The following TMEM131L variants were observed in gnomAD, a reference collection of about 807,000 sequenced individuals.
The protein encoded by TMEM131L is transmembrane 131 like, also known as transmembrane protein 131-like.
Under a neutral mutation model 192.2 loss-of-function variants are expected in TMEM131L, and 54 were observed. The observed-to-expected ratio is 0.28, with a 90% confidence interval of 0.23 to 0.35. The LOEUF (loss-of-function observed/expected upper bound fraction) is 0.35, where lower values mean the gene tolerates loss of function less well. Ranked by LOEUF, TMEM131L falls within the 10% of genes least tolerant of loss-of-function variation. The pLI is 1.00. For synonymous variants in TMEM131L, 701 were observed against 704.9 expected (o/e 0.99, Z 0.09); for missense variants, 1,888 against 1,972.9 (o/e 0.96, Z 0.82).
chr4:153,621,170 A>C (rs556582695), intron 27 of TMEM131L, among the ~76,000 whole-genome samples: 1 of 152,156 alleles, frequency 6.6e-6, no homozygotes, highest in Non-Finnish European at 1.5e-5. Flanking sequence ...CCGTGTGGAG[A>C]CCTTCATTCT....
Position 153,555,454 on chromosome 4 carries a change from C to T in TMEM131L, c.309-333C>T, listed in dbSNP as rs1737914479. On this transcript the variant is annotated intron_variant, in intron 4 of 34. Transcript: ENST00000409959. The surrounding 1 kb of genome is among the most constrained non-coding windows in gnomAD (Gnocchi z 4.1). ...ATTAGAGACCCAGGTCCGAGAAGTG[C>T]CAGTGAGTGCCTACATGTGTTTTGT... Among the ~76,000 whole-genome samples, 1 of 152,164 alleles carries T rather than the reference C, an allele frequency of 6.6e-6. No homozygotes were observed. The highest frequency in any genetic ancestry group is 1.5e-5 in the Non-Finnish European group (1 of 68,028).
At chr4:153,550,296 G>A (rs575847827) in intron 4 of TMEM131L, among the ~76,000 whole-genome samples, 155 bp downstream of exon 4, 1 of 152,218 alleles carries the variant, frequency 6.6e-6, no homozygotes, top group East Asian at 1.9e-4. Flanking sequence ...TTTGTGAAAA[G>A]GAGAGTACAA....
chr4:153,596,712 G>T (rs184389231), intron 20 of TMEM131L, among the ~76,000 whole-genome samples: 1 of 152,314 alleles, frequency 6.6e-6, no homozygotes, highest in Non-Finnish European at 1.5e-5. Flanking sequence ...AGCATAGAAA[G>T]ATCGTTAAAG....
intron 25 of TMEM131L, among the ~76,000 whole-genome samples, chr4:153,605,368 AT>A (rs1732152914): frequency 6.6e-6 from 1 of 152,030 alleles, no homozygotes; most frequent in Non-Finnish European, 1.5e-5. Context: ...TTATAGTCAG[AT>A]TTGTTTTATT....
intron 7 of TMEM131L, among the ~76,000 whole-genome samples, chr4:153,567,781 G>A (rs1202880585): frequency 1.3e-5 from 2 of 152,118 alleles, no homozygotes. Context: ...GACCTCAGGT[G>A]ATCCTACTGC....
chr4:153,569,405 T>C (rs1438542558), intron 7 of TMEM131L, among the ~76,000 whole-genome samples: 2 of 152,210 alleles, frequency 1.3e-5, no homozygotes, highest in Non-Finnish European at 2.9e-5. Context: ...TCACTAATAA[T>C]CTGCCCCAAG....
rs556940844 is a variant in TMEM131L, at chr4:153,566,289, G to A, written c.660+7921G>A. ...TAGCTGGGACCACAGGCGCCCGCAAGCACGCCCAGATAATTTTTTGTATTT... is the reference window on the plus strand; with the variant it reads ...TAGCTGGGACCACAGGCGCCCGCAAACACGCCCAGATAATTTTTTGTATTT... On this transcript the variant is annotated intron_variant, in intron 7 of 34. Transcript: ENST00000409959. Among the ~76,000 whole-genome samples the A allele has an allele frequency of 1.9e-4, 29 of 152,056 alleles. No homozygotes were observed. The South Asian group carries it at 5.8e-3, about 30-fold the overall frequency.
chr4:153,471,476 C>T (rs1282348864), intron 2 of TMEM131L, among the ~76,000 whole-genome samples: 1 of 152,148 alleles, frequency 6.6e-6, no homozygotes, highest in Non-Finnish European at 1.5e-5. Context: ...TGCCGAGTTC[C>T]CCTATTTATG....
At chr4:153,559,845 G>A (rs1384674923) in intron 7 of TMEM131L, among the ~76,000 whole-genome samples, 2 of 151,988 alleles carry the variant, frequency 1.3e-5, no homozygotes, top group East Asian at 3.9e-4. Flanking sequence ...TCCCGCTTAT[G>A]GCTGTAAGAC....
intron 3 of TMEM131L, among the ~76,000 whole-genome samples, chr4:153,542,548 G>A (rs1372891705): frequency 6.6e-5 from 10 of 152,190 alleles, no homozygotes; most frequent in African/African-American, 2.2e-4. Flanking sequence ...CTTTGTGTGC[G>A]AAAGTGCAAT....
intron 26 of TMEM131L, among the ~76,000 whole-genome samples, chr4:153,613,860 A>G (rs1326660827): frequency 1.3e-5 from 2 of 152,174 alleles, no homozygotes; most frequent in Admixed American, 6.6e-5. Context: ...AAAACTTTAT[A>G]ACAAGCATGA....
At chr4:153,546,997 T>C (rs1477360593) in intron 3 of TMEM131L, among the ~76,000 whole-genome samples, 2 of 152,244 alleles carry the variant, frequency 1.3e-5, no homozygotes, top group Non-Finnish European at 2.9e-5. Flanking sequence ...TACCTATGTC[T>C]GAAATAGTTT....
intron 3 of TMEM131L, among the ~76,000 whole-genome samples, chr4:153,531,869 CT>C (rs1312824120): frequency 1.3e-5 from 2 of 152,180 alleles, no homozygotes; most frequent in African/African-American, 4.8e-5. Flanking sequence ...AGCACTTGTT[CT>C]TCTCTTATTC....
intron 3 of TMEM131L, among the ~76,000 whole-genome samples, chr4:153,514,970 C>T (rs1419611330): frequency 6.6e-6 from 1 of 152,096 alleles, no homozygotes; most frequent in Admixed American, 6.5e-5. Flanking sequence ...TGCCACCACA[C>T]TCGGCTTATT....
At chr4:153,489,432 A>G (rs1732607492) in intron 3 of TMEM131L, among the ~76,000 whole-genome samples, 1 of 152,186 alleles carries the variant, frequency 6.6e-6, no homozygotes. Context: ...CTGTAGGAGC[A>G]CGTCCAAGGA....
In TMEM131L at chr4:153,500,058, G is replaced by GTTCCC. The variant is rs201395510; in HGVS notation, c.239+26175_239+26179dup. On this transcript the variant is annotated intron_variant, in intron 3 of 34. Transcript: ENST00000409959. Reference sequence around the variant, plus strand: ...CTTCCTTCCTCCCTTCCTCCCTTCCGTTCCCTTCCGTTCCCTTCCCTCTGT... The same window carrying GTTCCC: ...CTTCCTTCCTCCCTTCCTCCCTTCCGTTCCCTTCCCTTCCGTTCCCTTCCCTCTGT... 4.9e-3 allele frequency among the ~76,000 whole-genome samples: 730 copies of GTTCCC among 149,592 alleles called. 11 individuals carry two copies. The highest frequency in any genetic ancestry group is 0.017 in the African/African-American group (677 of 40,842).
At chr4:153,547,515 T>G (rs1007478142) in intron 3 of TMEM131L, among the ~76,000 whole-genome samples, 1 of 152,280 alleles carries the variant, frequency 6.6e-6, no homozygotes, top group Non-Finnish European at 1.5e-5. Context: ...TTGACCTTAA[T>G]GAAGCCTTTG....
intron 8 of TMEM131L, 76 bp downstream of exon 8, chr4:153,580,979 C>A (rs1390540028): frequency 1.9e-6 from 2 of 1,056,270 alleles, no homozygotes; most frequent in Non-Finnish European, 2.9e-6. Flanking sequence ...CAAGGCTGGG[C>A]GCTGTGGCTC....
intron 17 of TMEM131L, among the ~76,000 whole-genome samples, chr4:153,591,487 A>AG (rs1050090713): frequency 2.6e-5 from 4 of 152,248 alleles, no homozygotes; most frequent in African/African-American, 2.4e-5. Flanking sequence ...AGAAGCTCAA[A>AG]GGGGAGAAGT....
Sources: gnomAD v4.1 joint callset for allele counts (sites outside exome capture counted in the v4.1 genomes callset) on GRCh38, gnomAD v4.1.1 for gene constraint, Gnocchi (gnomAD v3.1) non-coding constraint, MANE v1.5 for transcripts, NCBI Gene and HGNC (gene_info 2026-07-23, HGNC 2026-07-21) for gene names.